FAM118B: variants seen among roughly 807,000 people sequenced by gnomAD.
FAM118B encodes the protein protein FAM118B.
FAM118B carries 24 observed loss-of-function variants against 38.5 expected under a neutral mutation model. The observed-to-expected ratio is 0.62, with a 90% CI of 0.45 to 0.88. FAM118B has a LOEUF of 0.88. FAM118B is among the 40% of genes least tolerant of loss of function. The pLI is 0.00. For synonymous variants in FAM118B, 138 were observed against 156.3 expected, an observed-to-expected ratio of 0.88 and a Z score of 0.87; for missense variants, 334 against 420.0, an observed-to-expected ratio of 0.80 and a Z score of 1.79.
At chr11:126,240,473 T>A (rs979859537) in intron 3 of FAM118B, among the ~76,000 whole-genome samples, 5 of 152,124 alleles carry the variant, frequency 3.3e-5, no homozygotes, top group African/African-American at 1.2e-4. Flanking sequence ...TTGGCAGAAG[T>A]CAGCTGAGCT....
intron 3 of FAM118B, among the ~76,000 whole-genome samples, chr11:126,238,030 T>G (rs1950304900): frequency 6.6e-6 from 1 of 152,090 alleles, no homozygotes; most frequent in African/African-American, 2.4e-5. Context: ...GAGGTGACCC[T>G]TGTTTGTCTG....
chr11:126,241,801 C>A (rs1950362198), intron 4 of FAM118B, among the ~76,000 whole-genome samples: 1 of 152,094 alleles, frequency 6.6e-6, no homozygotes, highest in African/African-American at 2.4e-5. Flanking sequence ...CTGCCCACCT[C>A]AGCCTCACAA....
rs1950528977 is a variant in FAM118B, at chr11:126,253,202, C to T, written c.568-1103C>T. On this transcript the variant is annotated intron_variant, in intron 5 of 8. Transcript: ENST00000533050. This position sits in a 1 kb window ranked among gnomAD's most constrained non-coding sequence, Gnocchi z 5.1. ...TTTGATGTTTTCCTTCTCATTTCAT[C>T]CTTGGGCCTCAAGATTTGCATTGTA... Among the ~76,000 whole-genome samples, 1 of 152,170 alleles carries T rather than the reference C, an allele frequency of 6.6e-6. No homozygotes were observed. The highest frequency in any genetic ancestry group is 2.1e-4 in the South Asian group (1 of 4,830).
Position 126,256,145 on chromosome 11 carries a change from C to T in FAM118B, c.697-422C>T. On this transcript the variant is annotated intron_variant, in intron 6 of 8. Coordinates refer to ENST00000533050, the MANE Select transcript of FAM118B (RefSeq NM_024556.4). The surrounding 1 kb of genome is among the most constrained non-coding windows in gnomAD (Gnocchi z 6.6). ...AATTAGCTGGGTGTGGTGGTGCACACTTGTAATATACTCGGGAGGCTGAGG... is the reference window on the plus strand; with the variant it reads ...AATTAGCTGGGTGTGGTGGTGCACATTTGTAATATACTCGGGAGGCTGAGG... 6.6e-6 allele frequency among the ~76,000 whole-genome samples: 1 copy of T among 151,950 alleles called. No individual in the cohort carries two copies. The highest frequency in any genetic ancestry group is 6.6e-5 in the Admixed American group (1 of 15,258).
intron 1 of FAM118B, among the ~76,000 whole-genome samples, chr11:126,227,435 G>A (rs940498443): frequency 2.0e-5 from 3 of 151,994 alleles, no homozygotes; most frequent in Non-Finnish European, 4.4e-5. Flanking sequence ...AACCTATGAT[G>A]GGTTTTTATT....
At chr11:126,260,099 A>G (rs914832027) in intron 7 of FAM118B, among the ~76,000 whole-genome samples, 1 of 151,132 alleles carries the variant, frequency 6.6e-6, no homozygotes, top group African/African-American at 2.4e-5. Flanking sequence ...TGGCACAGTC[A>G]TGGCTCACCA....
intron 4 of FAM118B, among the ~76,000 whole-genome samples, chr11:126,243,516 A>G (rs1307066709): frequency 6.6e-6 from 1 of 152,058 alleles, no homozygotes; most frequent in Non-Finnish European, 1.5e-5. Context: ...TCTTAGGAAC[A>G]TGGACACAAA....
chr11:126,233,203 C>T (rs1209636936), intron 2 of FAM118B, among the ~76,000 whole-genome samples: 2 of 152,270 alleles, frequency 1.3e-5, no homozygotes, highest in Middle Eastern at 3.4e-3. Context: ...CAGCTGGGTG[C>T]GGTGGCTCAC....
At chr11:126,224,789 G>A (rs1365849207) in intron 1 of FAM118B, among the ~76,000 whole-genome samples, 1 of 152,108 alleles carries the variant, frequency 6.6e-6, no homozygotes, top group Non-Finnish European at 1.5e-5. Flanking sequence ...CTGGAGGGAG[G>A]GTATGTGAGA....
At chr11:126,257,559 G>A (rs991335017) in intron 7 of FAM118B, among the ~76,000 whole-genome samples, 11 of 150,276 alleles carry the variant, frequency 7.3e-5, no homozygotes, top group South Asian at 2.1e-4. Context: ...GGAAGAAAAA[G>A]CAGGTTGTAA....
At chr11:126,228,431 C>T (rs953364443) in intron 1 of FAM118B, among the ~76,000 whole-genome samples, 2 of 152,056 alleles carry the variant, frequency 1.3e-5, no homozygotes, top group Non-Finnish European at 2.9e-5. Context: ...AACTCCTGAG[C>T]TCAAGTGATC....
chr11:126,257,426 C>T (rs1032831741), intron 7 of FAM118B, among the ~76,000 whole-genome samples: 2 of 151,750 alleles, frequency 1.3e-5, no homozygotes, highest in African/African-American at 2.4e-5. Flanking sequence ...TGGAAGGATC[C>T]TAAAATTGGT....
At chr11:126,229,731 G>A (rs764846666) in intron 2 of FAM118B, among the ~76,000 whole-genome samples, 12 of 152,142 alleles carry the variant, frequency 7.9e-5, no homozygotes, top group Non-Finnish European at 1.5e-4. Context: ...GTGAGCCACC[G>A]TGTCCAGCCA....
chr11:126,212,261 A>G (rs1373660636), intron 1 of FAM118B, among the ~76,000 whole-genome samples: 1 of 151,810 alleles, frequency 6.6e-6, no homozygotes, highest in East Asian at 1.9e-4. Flanking sequence ...CCTATTTCCT[A>G]CTTAGGAAGC....
Position 126,253,526 on chromosome 11 carries a change from T to C in FAM118B, c.568-779T>C, listed in dbSNP as rs145702040. On this transcript the variant is annotated intron_variant, in intron 5 of 8. Coordinates refer to ENST00000533050, the MANE Select transcript of FAM118B (RefSeq NM_024556.4). The surrounding 1 kb of genome is among the most constrained non-coding windows in gnomAD (Gnocchi z 5.1). ...ACTGAAGTGATTTTTCTATCACTTATCTATTGCTGTACAAGTAATGGCCGT... is the reference window on the plus strand; with the variant it reads ...ACTGAAGTGATTTTTCTATCACTTACCTATTGCTGTACAAGTAATGGCCGT... Among the ~76,000 whole-genome samples the C allele has an allele frequency of 2.0e-3, 308 of 152,356 alleles. 1 individual carries two copies. Among genetic ancestry groups the C allele is most frequent in the African/African-American group, 6.8e-3 (282 of 41,582 alleles).
intron 1 of FAM118B, among the ~76,000 whole-genome samples, chr11:126,216,011 T>C (rs1357170575): frequency 6.6e-6 from 1 of 151,212 alleles, no homozygotes; most frequent in Non-Finnish European, 1.5e-5. Context: ...CAGACCCATC[T>C]CAAAAAAGAA....
At chr11:126,236,228 T>A (rs1347539738) in intron 3 of FAM118B, among the ~76,000 whole-genome samples, 1 of 152,232 alleles carries the variant, frequency 6.6e-6, no homozygotes, top group Admixed American at 6.5e-5. Context: ...CGCCTTTGTT[T>A]TCCTGAAGCA....
intron 2 of FAM118B, among the ~76,000 whole-genome samples, chr11:126,230,458 C>G (rs1030407861): frequency 2.0e-5 from 3 of 152,176 alleles, no homozygotes; most frequent in African/African-American, 7.2e-5. Flanking sequence ...GAAGTTAACC[C>G]TTTTCTATAT....
chr11:126,243,130 A>T lies in FAM118B; in HGVS notation c.339+2086A>T, dbSNP rs1440433880. ...GGACATATATTGTATGATTCCATTC[A>T]TATAAAATGTCCAGAACAGGCAAAT... On this transcript the variant is annotated intron_variant, in intron 4 of 8. Transcript: ENST00000533050. Among the ~76,000 whole-genome samples the T allele has an allele frequency of 5.9e-5, 9 of 152,366 alleles. No homozygotes were observed. In the South Asian group the frequency reaches 1.0e-3, roughly 18 times the overall value.
Sources: allele counts gnomAD v4.1 joint callset (sites outside exome capture counted in the v4.1 genomes callset), GRCh38; gene constraint gnomAD v4.1.1; non-coding constraint Gnocchi (gnomAD v3.1); transcripts MANE v1.5; gene names NCBI Gene and HGNC (gene_info 2026-07-23, HGNC 2026-07-21).